The following APPBP2 variants were observed in gnomAD, a reference collection of about 807,000 sequenced individuals.
The protein encoded by APPBP2 is amyloid protein-binding protein 2.
APPBP2 carries 15 observed loss-of-function variants against 76.0 expected under a neutral mutation model. The ratio of observed to expected loss-of-function variants is 0.20; its 90% CI spans 0.13 to 0.30. The LOEUF (loss-of-function observed/expected upper bound fraction) is 0.30, where lower values mean the gene tolerates loss of function less well. Among genes scored for constraint, APPBP2 ranks in the 10% least tolerant of loss-of-function variants. The pLI is 1.00. For synonymous variants in APPBP2, 222 were observed against 242.2 expected, an observed-to-expected ratio of 0.92 and a Z score of 0.77; for missense variants, 401 against 687.2, an observed-to-expected ratio of 0.58 and a Z score of 4.66.
At chr17:60,504,886 A>G (rs913757303) in intron 1 of APPBP2, among the ~76,000 whole-genome samples, 1 of 152,208 alleles carries the variant, frequency 6.6e-6, no homozygotes, top group Non-Finnish European at 1.5e-5. Context: ...ACACATACCA[A>G]TGAAACCTGT....
intron 1 of APPBP2, among the ~76,000 whole-genome samples, chr17:60,525,500 G>A (rs1363204099): frequency 6.6e-6 from 1 of 152,200 alleles, no homozygotes; most frequent in Non-Finnish European, 1.5e-5. Flanking sequence ...TGGGACAGGG[G>A]CGCGATAGAG....
At chr17:60,485,357 T>C (rs1467244330) in intron 3 of APPBP2, among the ~76,000 whole-genome samples, 2 of 152,206 alleles carry the variant, frequency 1.3e-5, no homozygotes, top group East Asian at 3.9e-4. Context: ...TGGTAGGCTA[T>C]TAATTATTGC....
chr17:60,510,122 G>A (rs2090900082), intron 1 of APPBP2, among the ~76,000 whole-genome samples: 1 of 152,100 alleles, frequency 6.6e-6, no homozygotes, highest in African/African-American at 2.4e-5. Flanking sequence ...CTCATCTGAA[G>A]GCTGGCACAG....
At chr17:60,520,542 G>A (rs373979441) in intron 1 of APPBP2, among the ~76,000 whole-genome samples, 6 of 145,508 alleles carry the variant, frequency 4.1e-5, no homozygotes, top group East Asian at 4.0e-4. Context: ...CTATGCACTC[G>A]AGCCCAGGCA....
chr17:60,469,853 C>G (rs926893872), intron 4 of APPBP2, among the ~76,000 whole-genome samples: 15 of 152,166 alleles, frequency 9.9e-5, no homozygotes, highest in African/African-American at 3.6e-4. Flanking sequence ...ACACAAATAT[C>G]TCTCGATTCC....
intron 11 of APPBP2, among the ~76,000 whole-genome samples, chr17:60,453,745 A>C (rs997071243): frequency 6.6e-6 from 1 of 151,636 alleles, no homozygotes; most frequent in Non-Finnish European, 1.5e-5. Flanking sequence ...CCCTATATTG[A>C]CCAGGCTAAT....
intron 11 of APPBP2, among the ~76,000 whole-genome samples, chr17:60,453,203 T>C (rs1040567567): frequency 6.6e-6 from 1 of 152,216 alleles, no homozygotes; most frequent in African/African-American, 2.4e-5. Flanking sequence ...TATTAATCTT[T>C]TTTTTTGAGA....
chr17:60,492,758 G>A (rs1285027534), intron 3 of APPBP2, among the ~76,000 whole-genome samples: 1 of 152,210 alleles, frequency 6.6e-6, no homozygotes, highest in Non-Finnish European at 1.5e-5. Context: ...CTCACAGGCA[G>A]AAGAGACTTG....
At chr17:60,461,023 T>C (rs2090472516) in intron 8 of APPBP2, 1 of 228,728 alleles carries the variant, frequency 4.4e-6, no homozygotes, top group Non-Finnish European at 8.6e-6. Context: ...ATAATAATCA[T>C]TCCTATGTCT....
chr17:60,514,907 G>C (rs550096276), intron 1 of APPBP2, among the ~76,000 whole-genome samples: 2 of 152,114 alleles, frequency 1.3e-5, no homozygotes, highest in African/African-American at 4.8e-5. Context: ...AGGTTCAAGT[G>C]ATTCTTCTGC....
chr17:60,523,607 T>C (rs1006115669), intron 1 of APPBP2, among the ~76,000 whole-genome samples: 2 of 152,272 alleles, frequency 1.3e-5, no homozygotes, highest in East Asian at 1.9e-4. Flanking sequence ...GGCAGGAGGA[T>C]AGCTTGAGCC....
chr17:60,456,111 C>T (rs2090429523), intron 10 of APPBP2, among the ~76,000 whole-genome samples, 185 bp downstream of exon 10: 1 of 152,166 alleles, frequency 6.6e-6, no homozygotes. Context: ...TGCAAACAGT[C>T]TTTCATTATG....
intron 9 of APPBP2, among the ~76,000 whole-genome samples, chr17:60,458,770 GTTTT>G (rs1039631344): frequency 2.1e-5 from 3 of 140,846 alleles, no homozygotes; most frequent in South Asian, 2.2e-4. Flanking sequence ...AGAAGTTCTG[GTTTT>G]TTTTTTTGTT....
intron 4 of APPBP2, among the ~76,000 whole-genome samples, chr17:60,468,231 T>A (rs74410643): frequency 0.019 from 2,914 of 152,190 alleles, 47 homozygotes; most frequent in Middle Eastern, 0.037. Flanking sequence ...CTATCAAGAA[T>A]GCTCTGGCTA....
At chr17:60,496,943 A>T (rs2090780580) in intron 2 of APPBP2, among the ~76,000 whole-genome samples, 2 of 151,692 alleles carry the variant, frequency 1.3e-5, no homozygotes, top group South Asian at 4.2e-4. Context: ...CTGGTCTTCA[A>T]CTCCTGACCT....
At chr17:60,480,979 G>T (rs140183573) in intron 3 of APPBP2, among the ~76,000 whole-genome samples, 58 of 152,190 alleles carry the variant, frequency 3.8e-4, no homozygotes, top group African/African-American at 1.3e-3. Flanking sequence ...AATACCAGTT[G>T]CAGTTTTCCA....
chr17:60,488,683 G>A (rs1450334887), intron 3 of APPBP2, among the ~76,000 whole-genome samples: 1 of 152,134 alleles, frequency 6.6e-6, no homozygotes, highest in Non-Finnish European at 1.5e-5. Context: ...TCTCTCCAAG[G>A]TATCTAGTTG....
chr17:60,472,375 GGGCATTTA>G (rs1368015084), intron 4 of APPBP2, among the ~76,000 whole-genome samples: 1 of 151,908 alleles, frequency 6.6e-6, no homozygotes, highest in Non-Finnish European at 1.5e-5. Flanking sequence ...TTTCTTCTTG[GGGCATTTA>G]GGTAAATTGT....
chr17:60,470,135 T>C (rs2090541477), intron 4 of APPBP2, among the ~76,000 whole-genome samples: 1 of 152,218 alleles, frequency 6.6e-6, no homozygotes, highest in African/African-American at 2.4e-5. Flanking sequence ...GGTAGCTCAT[T>C]ATGTTTGATT....
Sources: allele counts gnomAD v4.1 joint callset (sites outside exome capture counted in the v4.1 genomes callset), GRCh38; gene constraint gnomAD v4.1.1; transcripts MANE v1.5; gene names NCBI Gene and HGNC (gene_info 2026-07-23, HGNC 2026-07-21).